The following SORBS2 variants were observed in gnomAD, a reference collection of about 807,000 sequenced individuals.
SORBS2 encodes sorbin and SH3 domain containing 2.
In SORBS2, 46 loss-of-function variants were observed where a neutral mutation model predicts 97.7. That is an observed-to-expected ratio of 0.47 (90% CI 0.37 to 0.60). SORBS2 has a LOEUF of 0.60. Among genes scored for constraint, SORBS2 ranks in the 20% least tolerant of loss-of-function variants. The pLI is 0.00. For synonymous variants in SORBS2, 476 were observed against 473.4 expected, an observed-to-expected ratio of 1.01 and a Z score of -0.07; for missense variants, 1,316 against 1,282.3, an observed-to-expected ratio of 1.03 and a Z score of -0.40.
rs151213780 is a variant in SORBS2 at position 185,814,793 on chromosome 4, C to T, written c.-337-39427G>A. Among the ~76,000 whole-genome samples the T allele has an allele frequency of 1.6e-3, 242 of 152,318 alleles. 1 individual carries two copies. Among genetic ancestry groups the T allele is most frequent in the Middle Eastern group, 3.4e-3 (1 of 294 alleles). ...GTCTCCCGGCATCTCTACTGGCCTT[C>T]ACACATCACTCTGCTGCCAGTCTGT... On this transcript the variant is annotated intron_variant, in intron 1 of 20. Transcript: ENST00000284776.
intron 1 of SORBS2, among the ~76,000 whole-genome samples, chr4:185,879,441 C>T (rs6552933): frequency 0.13 from 20,421 of 151,984 alleles, 1,577 homozygotes; most frequent in Non-Finnish European, 0.18. Flanking sequence ...CGGGTTGGTT[C>T]CAAGTCTTTG....
exon 7 of SORBS2, chr4:185,624,334 G>A: frequency 1.9e-6 from 3 of 1,614,126 alleles, no homozygotes; most frequent in South Asian, 2.2e-5. Flanking sequence ...CGTTTTGCCG[G>A]GCCATTTGCC....
intron 1 of SORBS2, among the ~76,000 whole-genome samples, chr4:185,879,161 TCCCTCC>T (rs2099235345): frequency 1.3e-5 from 1 of 77,340 alleles, no homozygotes. Context: ...CCTAATGCTA[TCCCTCC>T]CCCCCCCCCA....
intron 12 of SORBS2, among the ~76,000 whole-genome samples, chr4:185,596,950 G>T (rs1422300828): frequency 1.3e-5 from 2 of 151,984 alleles, no homozygotes; most frequent in Non-Finnish European, 2.9e-5. Flanking sequence ...ACATCCTGAG[G>T]CCAGAATCAA....
intron 1 of SORBS2, among the ~76,000 whole-genome samples, chr4:185,822,862 A>G (rs976269215): frequency 6.6e-6 from 1 of 152,156 alleles, no homozygotes; most frequent in African/African-American, 2.4e-5. Flanking sequence ...TTAAGCTAGA[A>G]TTTTCCAATT....
intron 1 of SORBS2, among the ~76,000 whole-genome samples, chr4:185,837,440 T>C (rs1054548039): frequency 6.6e-6 from 1 of 152,224 alleles, no homozygotes; most frequent in Non-Finnish European, 1.5e-5. Context: ...TTGTATTTAA[T>C]AGTTTTTTTC....
At chr4:185,824,163 G>A (rs1171071907) in intron 1 of SORBS2, among the ~76,000 whole-genome samples, 1 of 152,146 alleles carries the variant, frequency 6.6e-6, no homozygotes, top group Non-Finnish European at 1.5e-5. Flanking sequence ...CAGCAGATGA[G>A]GTGTGGGCAG....
chr4:185,688,916 T>C (rs916510568), intron 2 of SORBS2, among the ~76,000 whole-genome samples: 11 of 152,150 alleles, frequency 7.2e-5, no homozygotes, highest in Non-Finnish European at 1.6e-4. Context: ...TTCATCCAAA[T>C]AAGCAAAATA....
At chr4:185,835,241 C>A (rs1561219617) in intron 1 of SORBS2, among the ~76,000 whole-genome samples, 1 of 152,174 alleles carries the variant, frequency 6.6e-6, no homozygotes, top group Non-Finnish European at 1.5e-5. Flanking sequence ...TACCCATCCT[C>A]AGGTATTTCT....
At chr4:185,794,503 A>G (rs555277302) in intron 1 of SORBS2, among the ~76,000 whole-genome samples, 1 of 152,364 alleles carries the variant, frequency 6.6e-6, no homozygotes, top group South Asian at 2.1e-4. Context: ...TCCTGGGACA[A>G]GAACTGCAGA....
chr4:185,857,073 T>C (rs2099220914), intron 1 of SORBS2, among the ~76,000 whole-genome samples: 1 of 152,124 alleles, frequency 6.6e-6, no homozygotes, highest in Admixed American at 6.5e-5. Flanking sequence ...TAACAGGAAG[T>C]AACTAGGATT....
chr4:185,603,615 A>G (rs1032179617), intron 12 of SORBS2, among the ~76,000 whole-genome samples: 6 of 152,166 alleles, frequency 3.9e-5, no homozygotes, highest in African/African-American at 1.4e-4. Flanking sequence ...AAAAGACTGA[A>G]TGTGAGGGTG....
intron 2 of SORBS2, among the ~76,000 whole-genome samples, chr4:185,713,538 T>C (rs1024869942): frequency 2.0e-5 from 3 of 151,418 alleles, no homozygotes; most frequent in Non-Finnish European, 4.4e-5. Flanking sequence ...GTCCACGTAC[T>C]GGCATCGTGT....
intron 4 of SORBS2, 28 bp from the exon 8 acceptor site, chr4:185,662,270 A>C (rs1276093194): frequency 1.7e-5 from 26 of 1,570,922 alleles, no homozygotes; most frequent in Non-Finnish European, 2.2e-5. Context: ...GCATCGAGTT[A>C]AATTAGCACA....
intron 2 of SORBS2, among the ~76,000 whole-genome samples, chr4:185,687,785 A>G (rs1364037179): frequency 6.6e-6 from 1 of 152,234 alleles, no homozygotes; most frequent in Non-Finnish European, 1.5e-5. Flanking sequence ...AACTTGAGGC[A>G]TTTGTAAAAT....
chr4:185,909,882 GATGAGGCAGGAGAATTGCTTGAAC>G (rs1315329628), intron 1 of SORBS2, among the ~76,000 whole-genome samples: 3 of 151,438 alleles, frequency 2.0e-5, no homozygotes, highest in African/African-American at 7.3e-5. Flanking sequence ...TACTCAGGAG[GATGAGGCAGGAGAATTGCTTGAAC>G]CCGGGAGGCG....
chr4:185,854,306 A>G (rs1367261488), intron 1 of SORBS2, among the ~76,000 whole-genome samples: 1 of 152,004 alleles, frequency 6.6e-6, no homozygotes, highest in Non-Finnish European at 1.5e-5. Context: ...TTGAACTAAA[A>G]TCTAACTCTA....
chr4:185,792,162 A>G (rs1045396830), intron 1 of SORBS2, among the ~76,000 whole-genome samples: 3 of 152,218 alleles, frequency 2.0e-5, no homozygotes, highest in Non-Finnish European at 2.9e-5. Flanking sequence ...CATTCTAGAT[A>G]CATCTCCTTA....
At chr4:185,785,761 A>G (rs999802548) in intron 1 of SORBS2, among the ~76,000 whole-genome samples, 17 of 152,198 alleles carry the variant, frequency 1.1e-4, no homozygotes, top group African/African-American at 3.9e-4. Context: ...GGCTGTTTCC[A>G]TCATCATCTT....
Sources: allele counts gnomAD v4.1 joint callset (sites outside exome capture counted in the v4.1 genomes callset), GRCh38; gene constraint gnomAD v4.1.1; transcripts MANE v1.5; gene names NCBI Gene and HGNC (gene_info 2026-07-23, HGNC 2026-07-21).